The following DRICH1 variants were observed in gnomAD, a reference collection of about 807,000 sequenced individuals.
DRICH1 encodes aspartate rich 1, also known as aspartate-rich protein 1.
In DRICH1, 38 loss-of-function variants were observed where a neutral mutation model predicts 39.5. The observed-to-expected ratio is 0.96, with a 90% CI of 0.74 to 1.26. The LOEUF is 1.26. Among genes scored for constraint, DRICH1 ranks in the 50% most tolerant of loss-of-function variants. The pLI is 0.00. For synonymous variants in DRICH1, 84 were observed against 99.5 expected (o/e 0.84, Z 0.93); for missense variants, 279 against 270.4 (o/e 1.03, Z -0.22).
the DRICH1 span, among the ~76,000 whole-genome samples, chr22:23,598,798 A>G: frequency 2.0e-5 from 3 of 149,486 alleles, no homozygotes; most frequent in African/African-American, 7.7e-5. Context: ...AGTGCTCCAT[A>G]CAGGCGCCCT....
chr22:23,618,033 TTTAAAGGA>T (rs1242546457), intron 6 of DRICH1, among the ~76,000 whole-genome samples: 1 of 152,188 alleles, frequency 6.6e-6, no homozygotes, highest in Non-Finnish European at 1.5e-5. Flanking sequence ...TAGCATCTGT[TTTAAAGGA>T]TTAATTACTT....
At chr22:23,614,791 C>A (rs1406922096) in intron 8 of DRICH1, among the ~76,000 whole-genome samples, 1 of 151,328 alleles carries the variant, frequency 6.6e-6, no homozygotes, top group Admixed American at 6.6e-5. Context: ...TCTTCTGGAA[C>A]AACTTCTACA....
chr22:23,602,933 CAT>C, the DRICH1 span, among the ~76,000 whole-genome samples: 1 of 151,476 alleles, frequency 6.6e-6, no homozygotes, highest in African/African-American at 2.4e-5. Flanking sequence ...ATGGATATAA[CAT>C]AGTTTATTTT....
chr22:23,588,472 G>A, the DRICH1 span, among the ~76,000 whole-genome samples: 7 of 152,194 alleles, frequency 4.6e-5, no homozygotes, highest in African/African-American at 1.7e-4. Flanking sequence ...TCAGTGGGAG[G>A]GTTCAGCCCA....
At chr22:23,625,499 C>T (rs188236563) in intron 2 of DRICH1, among the ~76,000 whole-genome samples, 105 of 152,164 alleles carry the variant, frequency 6.9e-4, no homozygotes, top group African/African-American at 2.3e-3. Context: ...CTTAGTTGCC[C>T]TCACTGGAAC....
chr22:23,612,710 C>T (rs1324938783), intron 11 of DRICH1, among the ~76,000 whole-genome samples: 2 of 152,088 alleles, frequency 1.3e-5, no homozygotes, highest in Non-Finnish European at 2.9e-5. Context: ...CTCCTCCCCT[C>T]AAAGGAGACT....
At chr22:23,601,144 G>A in the DRICH1 span, among the ~76,000 whole-genome samples, 4 of 139,590 alleles carry the variant, frequency 2.9e-5, no homozygotes, top group Admixed American at 7.1e-5. Context: ...TAACGCACGC[G>A]CGCACACACA....
At chr22:23,620,460 A>G in intron 5 of DRICH1, 134 bp downstream of exon 5, 3 of 1,038,146 alleles carry the variant, frequency 2.9e-6, no homozygotes, top group Non-Finnish European at 4.5e-6. Context: ...CCCTCTGCTC[A>G]TAGTTATACA....
the DRICH1 span, among the ~76,000 whole-genome samples, chr22:23,591,197 A>G: frequency 1.3e-5 from 2 of 152,186 alleles, 1 homozygote; most frequent in East Asian, 3.9e-4. Context: ...GGCCTGCGGA[A>G]TGGTTGAGGC....
the DRICH1 span, among the ~76,000 whole-genome samples, chr22:23,582,089 C>T: frequency 6.7e-6 from 1 of 148,978 alleles, no homozygotes; most frequent in Non-Finnish European, 1.5e-5. Flanking sequence ...AAGCGATTCT[C>T]CTGTCTCAGC....
the DRICH1 span, among the ~76,000 whole-genome samples, chr22:23,582,715 C>T: frequency 1.3e-5 from 2 of 152,008 alleles, no homozygotes; most frequent in Non-Finnish European, 1.5e-5. Context: ...CAGGTGCCCG[C>T]CATCATGCTA....
chr22:23,619,236 T>C (rs1258270109), intron 6 of DRICH1, 128 bp downstream of exon 6: 2 of 596,202 alleles, frequency 3.4e-6, no homozygotes, highest in East Asian at 3.1e-5. Context: ...ATCTAACTAA[T>C]CAGCTGTCAA....
At chr22:23,581,472 G>A in the DRICH1 span, 6 of 152,496 alleles carry the variant, frequency 3.9e-5, no homozygotes, top group East Asian at 5.8e-4. Context: ...CTCCAGAGGC[G>A]GGGCTGGAAA....
chr22:23,624,353 C>G, intron 3 of DRICH1: 1 of 984,592 alleles, frequency 1.0e-6, no homozygotes, highest in Non-Finnish European at 1.2e-6. Flanking sequence ...AAGAAATGAT[C>G]AAAAACACAG....
the DRICH1 span, among the ~76,000 whole-genome samples, chr22:23,595,895 T>C: frequency 6.6e-6 from 1 of 152,158 alleles, no homozygotes; most frequent in African/African-American, 2.4e-5. Flanking sequence ...CCTAGGACTC[T>C]CCATGGGGGA....
Position 23,614,122 on chromosome 22 carries a change from A to G in DRICH1, c.621+13T>C, listed in dbSNP as rs756034068. The stretch of plus-strand genomic sequence containing the variant: ...CAACATTGCTGTAGAAGACAAAAAA[A>G]GGGAGGTCTTACGTGGATGTCATCA... On this transcript the variant is annotated intron_variant, in intron 9 of 11. Coordinates refer to ENST00000317749, the MANE Select transcript of DRICH1 (RefSeq NM_016449.4). 5 of 1,581,214 alleles carry G rather than the reference A, an allele frequency of 3.2e-6. No individual in the cohort carries two copies. Among genetic ancestry groups the G allele is most frequent in the South Asian group, 1.1e-5 (1 of 89,830 alleles).
chr22:23,626,891 C>G (rs1305479796), intron 1 of DRICH1, among the ~76,000 whole-genome samples: 4 of 152,140 alleles, frequency 2.6e-5, no homozygotes, highest in African/African-American at 9.7e-5. Context: ...TCCAATCTCA[C>G]AGCCCTGAGA....
At chr22:23,585,262 G>A in the DRICH1 span, among the ~76,000 whole-genome samples, 2,923 of 151,864 alleles carry the variant, frequency 0.019, 93 homozygotes, top group African/African-American at 0.067. Flanking sequence ...TTCAGCCTCC[G>A]AAGTAGCTGG....
chr22:23,597,229 A>G, the DRICH1 span, among the ~76,000 whole-genome samples: 3 of 147,250 alleles, frequency 2.0e-5, no homozygotes, highest in Admixed American at 6.8e-5. Context: ...ACAGTGGCTT[A>G]CATCTATAAT....
Sources: gnomAD v4.1 joint callset for allele counts (sites outside exome capture counted in the v4.1 genomes callset) on GRCh38, gnomAD v4.1.1 for gene constraint, MANE v1.5 for transcripts, NCBI Gene and HGNC (gene_info 2026-07-23, HGNC 2026-07-21) for gene names.